Variants in FAM114A2 observed in about 807,000 individuals in gnomAD.
FAM114A2 encodes family with sequence similarity 114 member A2, also known as protein FAM114A2.
In FAM114A2, 53 loss-of-function variants were observed where a neutral mutation model predicts 58.4. The ratio of observed to expected loss-of-function variants is 0.91; its 90% CI spans 0.73 to 1.14. The LOEUF is 1.14. Ranked by LOEUF, FAM114A2 falls within the 50% of genes most tolerant of loss-of-function variation. The probability of loss-of-function intolerance (pLI) is 0.00; values close to 1 mark genes in which losing one functional copy is unlikely to be tolerated. For missense variants in FAM114A2, 601 were observed against 581.1 expected (o/e 1.03, Z -0.35); for synonymous variants, 228 against 211.4 (o/e 1.08, Z -0.68).
intron 8 of FAM114A2, among the ~76,000 whole-genome samples, chr5:154,017,303 G>A (rs549600315): frequency 2.5e-4 from 38 of 152,276 alleles, no homozygotes; most frequent in African/African-American, 7.5e-4. Flanking sequence ...TTAGCCAGGC[G>A]TGGTGGCACA....
chr5:154,015,847 GC>G (rs1771004974), intron 8 of FAM114A2, among the ~76,000 whole-genome samples: 1 of 151,962 alleles, frequency 6.6e-6, no homozygotes, highest in Non-Finnish European at 1.5e-5. Context: ...GAAAGGCAAA[GC>G]CCAATTTAAG....
At chr5:154,003,879 C>T (rs914157170) in intron 9 of FAM114A2, among the ~76,000 whole-genome samples, 2 of 152,214 alleles carry the variant, frequency 1.3e-5, no homozygotes, top group Non-Finnish European at 2.9e-5. Flanking sequence ...TCATGCACCA[C>T]ATAATGATGT....
Position 153,991,643 on chromosome 5 carries a change from T to A in FAM114A2, c.*1333A>T, listed in dbSNP as rs1033940800. 1.3e-5 allele frequency: 2 copies of A among 152,066 alleles called. No individual in the cohort carries two copies. Among genetic ancestry groups the A allele is most frequent in the African/African-American group, 2.4e-5 (1 of 41,402 alleles). 9.4% of individuals were successfully genotyped at this position (152,066 alleles called of 1,614,324 possible). A position where few individuals can be genotyped will look rare whatever the true frequency, so the allele number is the denominator to read the frequency against. On this transcript the variant is annotated 3_prime_UTR_variant, in exon 14 of 14. Transcript: ENST00000351797. ...AACTGACTCCTGCCCCAAAGAAGAT[T>A]ACGTAGAAACAGTCTTTATACTAAT...
chr5:154,034,563 T>A (rs1002297138), intron 2 of FAM114A2, among the ~76,000 whole-genome samples, 181 bp downstream of exon 2: 1 of 152,168 alleles, frequency 6.6e-6, no homozygotes, highest in African/African-American at 2.4e-5. Context: ...AAGTACCACA[T>A]AGCAAAAGCA....
intron 9 of FAM114A2, among the ~76,000 whole-genome samples, chr5:154,006,371 G>A (rs958849504): frequency 1.3e-5 from 2 of 152,196 alleles, no homozygotes; most frequent in African/African-American, 4.8e-5. Flanking sequence ...TGGGTAGAAG[G>A]TGGCTTGAGT....
intron 9 of FAM114A2, 65 bp from the exon 10 acceptor site, chr5:154,003,034 C>T (rs1770101247): frequency 6.9e-7 from 1 of 1,452,908 alleles, no homozygotes; most frequent in Non-Finnish European, 9.6e-7. Context: ...TGTGCACCTA[C>T]CAGGAACACA....
intron 8 of FAM114A2, among the ~76,000 whole-genome samples, chr5:154,026,044 G>A (rs1316086154): frequency 6.6e-6 from 1 of 152,176 alleles, no homozygotes; most frequent in African/African-American, 2.4e-5. Context: ...AAGTACCTAG[G>A]AATATGAAAG....
At position 154,002,332 on chromosome 5, in the gene FAM114A2, A is replaced by T; in HGVS notation, c.1175T>A (p.Leu392Gln). 1.9e-6 allele frequency: 3 copies of T among 1,614,104 alleles called. No individual in the cohort carries two copies. In the South Asian group the frequency reaches 3.3e-5, roughly 18 times the overall value. Residue 392 changes from leucine (L) to glutamine (Q), a missense_variant, in exon 11 of 14, where the codon CTA (leucine) becomes CAA (glutamine). By Grantham distance (113) the Leu-to-Gln change is moderately radical. Transcript: ENST00000351797. ...AACCAATGCAGCTGTTTTGTGGAAT[A>T]GTTCAATTGAGCAGGCAGTCAGTTC... The part of the protein sequence containing the change: ...LAELTACSIE[L>Q]FHKTAALVLH...
intron 9 of FAM114A2, among the ~76,000 whole-genome samples, chr5:154,009,282 G>A (rs1450064691): frequency 6.6e-6 from 1 of 152,116 alleles, no homozygotes; most frequent in African/African-American, 2.4e-5. Context: ...TGCCACCTAG[G>A]AGCCAGCTTG....
intron 11 of FAM114A2, among the ~76,000 whole-genome samples, chr5:154,002,018 T>G (rs1011584625): frequency 6.6e-6 from 1 of 152,162 alleles, no homozygotes; most frequent in African/African-American, 2.4e-5. Context: ...AAAACTTATC[T>G]GTAAAGAAAT....
At position 153,992,970 on chromosome 5, in the gene FAM114A2, C is replaced by G; in HGVS notation, c.*6G>C. 2 of 1,609,192 alleles carry G rather than the reference C, an allele frequency of 1.2e-6. No homozygotes were observed. The highest frequency in any genetic ancestry group is 1.7e-6 in the Non-Finnish European group (2 of 1,177,314). ...CACAAGTCCCAGGTCAAAACGTCTC[C>G]ATTCTTCAATGTTCTAACAAAGGTT... On this transcript the variant is annotated 3_prime_UTR_variant, in exon 14 of 14. Transcript: ENST00000351797.
At chr5:154,036,833 C>T (rs1561582189) in intron 1 of FAM114A2, 1 of 152,084 alleles carries the variant, frequency 6.6e-6, no homozygotes, top group Admixed American at 6.5e-5. Flanking sequence ...AAACTAGATG[C>T]CAACATTTAA....
chr5:154,035,481 C>T (rs1772490807), intron 1 of FAM114A2, among the ~76,000 whole-genome samples: 1 of 152,198 alleles, frequency 6.6e-6, no homozygotes. Context: ...TTTTTTCACT[C>T]AGCATAAGCC....
chr5:154,017,529 A>T (rs1167998183), intron 8 of FAM114A2, among the ~76,000 whole-genome samples: 1 of 152,244 alleles, frequency 6.6e-6, no homozygotes, highest in Non-Finnish European at 1.5e-5. Flanking sequence ...ACAACACTTG[A>T]CAGGTCATCA....
intron 11 of FAM114A2, among the ~76,000 whole-genome samples, chr5:154,001,760 C>A (rs1769991788): frequency 6.6e-6 from 1 of 152,144 alleles, no homozygotes; most frequent in Non-Finnish European, 1.5e-5. Context: ...CTCAGTCAGA[C>A]CTGGGGCTAA....
Position 153,994,706 on chromosome 5 carries a change from G to A in FAM114A2, c.1383+213C>T, listed in dbSNP as rs868812163. On this transcript the variant is annotated intron_variant, in intron 13 of 13. Transcript: ENST00000351797. ...TAGTACTAAGTAATGACAATCTACT[G>A]CTTCTTCCAGTACCCTGCAGCTTCA... is the stretch of plus-strand genomic sequence containing the variant. 36 of 490,278 alleles carry A rather than the reference G, an allele frequency of 7.3e-5. No homozygotes were observed. The Middle Eastern group carries it at 3.8e-3, about 52-fold the overall frequency. The allele number at this position is 490,278 out of a possible 1,614,324, so 30.4% of individuals were successfully genotyped here.
chr5:154,032,143 C>A (rs1471602235), intron 4 of FAM114A2, among the ~76,000 whole-genome samples: 1 of 152,182 alleles, frequency 6.6e-6, no homozygotes, highest in African/African-American at 2.4e-5. Flanking sequence ...CTTATCTACC[C>A]TCCCCTTTCT....
chr5:154,003,737 A>C (rs973357740), intron 9 of FAM114A2, among the ~76,000 whole-genome samples: 2 of 152,334 alleles, frequency 1.3e-5, no homozygotes, highest in Admixed American at 6.5e-5. Flanking sequence ...AATGCATAAA[A>C]ATAGAAATAT....
At chr5:154,008,895 A>C (rs986679401) in intron 9 of FAM114A2, among the ~76,000 whole-genome samples, 14 of 152,208 alleles carry the variant, frequency 9.2e-5, no homozygotes, top group African/African-American at 3.4e-4. Flanking sequence ...AGGGAGATAC[A>C]AATGTGTAAT....
Sources: allele counts gnomAD v4.1 joint callset (sites outside exome capture counted in the v4.1 genomes callset), GRCh38; gene constraint gnomAD v4.1.1; transcripts MANE v1.5; gene names NCBI Gene and HGNC (gene_info 2026-07-23, HGNC 2026-07-21).